The following RBFOX3 variants were observed in gnomAD, a reference collection of about 807,000 sequenced individuals.
RBFOX3 encodes RNA binding fox-1 homolog 3, also known as RNA binding protein fox-1 homolog 3.
In RBFOX3, 17 loss-of-function variants were observed where a neutral mutation model predicts 48.7. That is an observed-to-expected ratio of 0.35 (90% confidence interval 0.24 to 0.52). RBFOX3 has a LOEUF of 0.52. RBFOX3 is among the 20% of genes least tolerant of loss of function. The pLI, the probability that RBFOX3 is intolerant of heterozygous loss-of-function variation, is 0.94. For synonymous variants in RBFOX3, 212 were observed against 209.5 expected (o/e 1.01, Z -0.10); for missense variants, 382 against 497.5 (o/e 0.77, Z 2.21).
At chr17:79,464,761 G>C (rs538609206) in intron 2 of RBFOX3, among the ~76,000 whole-genome samples, 2 of 152,284 alleles carry the variant, frequency 1.3e-5, no homozygotes, top group Non-Finnish European at 2.9e-5. Context: ...GGCACACTGA[G>C]GCCAGGGCCT....
At chr17:79,203,906 G>C (rs2057143889) in intron 4 of RBFOX3, among the ~76,000 whole-genome samples, 1 of 152,136 alleles carries the variant, frequency 6.6e-6, no homozygotes, top group South Asian at 2.1e-4. Context: ...CTTCTCCCCT[G>C]ACGAAGTCCA....
At chr17:79,203,908 C>T (rs973061965) in intron 4 of RBFOX3, among the ~76,000 whole-genome samples, 1 of 152,120 alleles carries the variant, frequency 6.6e-6, no homozygotes, top group Non-Finnish European at 1.5e-5. Context: ...TCTCCCCTGA[C>T]GAAGTCCAAG....
intron 1 of RBFOX3, among the ~76,000 whole-genome samples, chr17:79,539,442 ATAAAG>A (rs1195381223): frequency 6.6e-6 from 1 of 152,240 alleles, no homozygotes; most frequent in African/African-American, 2.4e-5. Context: ...TTGACTTTTT[ATAAAG>A]TAACCCAGGT....
chr17:79,329,696 G>A (rs1282467443), intron 2 of RBFOX3, among the ~76,000 whole-genome samples: 1 of 151,984 alleles, frequency 6.6e-6, no homozygotes, highest in Non-Finnish European at 1.5e-5. Context: ...GGCCAGCCCC[G>A]GTGCATCTTC....
chr17:79,487,364 G>T (rs988214079), intron 1 of RBFOX3, among the ~76,000 whole-genome samples: 1 of 152,230 alleles, frequency 6.6e-6, no homozygotes, highest in African/African-American at 2.4e-5. Flanking sequence ...GGTCAGAAGC[G>T]TGGACTTGTG....
At chr17:79,620,966 C>T in the RBFOX3 span, among the ~76,000 whole-genome samples, 1 of 151,190 alleles carries the variant, frequency 6.6e-6, no homozygotes, top group Non-Finnish European at 1.5e-5. Context: ...CAGTGGGGTA[C>T]TTCTCTTACT....
chr17:79,637,799 AAGG>A, the RBFOX3 span, among the ~76,000 whole-genome samples: 2 of 40,040 alleles, frequency 5.0e-5, no homozygotes, highest in Non-Finnish European at 2.3e-4. Flanking sequence ...AAGAGAAGGG[AAGG>A]GAAGGGAAGG....
At chr17:79,284,857 C>G (rs1346919380) in intron 3 of RBFOX3, among the ~76,000 whole-genome samples, 1 of 152,152 alleles carries the variant, frequency 6.6e-6, no homozygotes, top group African/African-American at 2.4e-5. Context: ...TCTTTTATGA[C>G]TGCCCTGATG....
Position 79,115,494 on chromosome 17 carries a change from C to T in RBFOX3, c.222G>A (p.Pro74=), listed in dbSNP as rs1037097785. ...TQPIAGTQTV[P]QTDEAAQTDS... is the part of the protein sequence containing the mutation. ...GGCCTGGGGTCGTGGGGGCCCTTAC[C>T]GGCACTGTCTGGGTCCCGGCGATGG... Residue 74 remains proline, a splice_region_variant and synonymous_variant, in exon 5 of 15, where the codon CCG becomes CCA. Coordinates refer to ENST00000693108, the MANE Select transcript of RBFOX3 (RefSeq NM_001350451.2). 1.3e-5 allele frequency: 17 copies of T among 1,326,314 alleles called. No individual in the cohort carries two copies. The highest frequency in any genetic ancestry group is 1.6e-5 in the Non-Finnish European group (17 of 1,038,600). The allele number at this position is 1,326,314 out of a possible 1,614,324, so 82.2% of individuals were successfully genotyped here. A position where few individuals can be genotyped will look rare whatever the true frequency, so the allele number is the denominator to read the frequency against.
In RBFOX3 at chr17:79,094,395, C is replaced by G. The variant is rs764177659; in HGVS notation, c.1077+56G>C. 1.6e-5 allele frequency: 21 copies of G among 1,342,198 alleles called. No homozygotes were observed. In the South Asian group the frequency reaches 2.5e-4, roughly 16 times the overall value. The allele number at this position is 1,342,198 out of a possible 1,614,324, so 83.1% of individuals were successfully genotyped here. A position where few individuals can be genotyped will look rare whatever the true frequency, so the allele number is the denominator to read the frequency against. ...GGCCTCTCCCCCAAGGGCCTCACCA[C>G]CCATGCCCAGCTGTTAGGACTGGCA... On this transcript the variant is annotated intron_variant, in intron 14 of 14. Coordinates refer to ENST00000693108, the MANE Select transcript of RBFOX3 (RefSeq NM_001350451.2).
At chr17:79,515,016 C>T (rs1555782853) in intron 1 of RBFOX3, among the ~76,000 whole-genome samples, 1 of 152,170 alleles carries the variant, frequency 6.6e-6, no homozygotes, top group Non-Finnish European at 1.5e-5. Flanking sequence ...TGAGGGAATT[C>T]TCCCGACTCT....
intron 9 of RBFOX3, 98 bp downstream of exon 9, chr17:79,101,486 G>A (rs905726448): frequency 1.8e-6 from 2 of 1,101,698 alleles, no homozygotes; most frequent in East Asian, 2.6e-5. Flanking sequence ...AGGCTGCCTA[G>A]GATCCAGGAA....
intron 2 of RBFOX3, among the ~76,000 whole-genome samples, chr17:79,328,734 C>T (rs1206947033): frequency 6.6e-6 from 1 of 152,156 alleles, no homozygotes; most frequent in Non-Finnish European, 1.5e-5. Flanking sequence ...CTCTCTCCAC[C>T]CGGAGACATT....
intron 3 of RBFOX3, among the ~76,000 whole-genome samples, chr17:79,239,248 C>A (rs2062020585): frequency 6.6e-6 from 1 of 152,118 alleles, no homozygotes; most frequent in Non-Finnish European, 1.5e-5. Context: ...AGGAGAGAGG[C>A]CCCCCAGGTT....
intron 4 of RBFOX3, among the ~76,000 whole-genome samples, chr17:79,181,570 G>T (rs957029404): frequency 1.2e-4 from 18 of 152,216 alleles, no homozygotes; most frequent in African/African-American, 3.9e-4. Context: ...AGATGTCACA[G>T]GTGGTCCTGG....
intron 12 of RBFOX3, 32 bp downstream of exon 12, chr17:79,096,620 TC>T: frequency 6.7e-7 from 1 of 1,502,322 alleles, no homozygotes; most frequent in Non-Finnish European, 9.1e-7. Flanking sequence ...GAACGCCTGA[TC>T]CCACCCTCCC....
At chr17:79,338,958 T>C (rs8076595) in intron 2 of RBFOX3, among the ~76,000 whole-genome samples, 79,358 of 152,004 alleles carry the variant, frequency 0.52, 21,281 homozygotes, top group African/African-American at 0.65. Context: ...AAGGAGGCGG[T>C]TCTATAAAAA....
chr17:79,416,220 G>A (rs1448687504), intron 2 of RBFOX3, among the ~76,000 whole-genome samples: 1 of 152,240 alleles, frequency 6.6e-6, no homozygotes, highest in East Asian at 1.9e-4. Context: ...CTCCCCGGGA[G>A]CAGCTGGAAT....
chr17:79,559,665 GGGTGGGTGGATGGATGAGTGGGTC>G (rs2092059434), intron 1 of RBFOX3, among the ~76,000 whole-genome samples: 1 of 140,866 alleles, frequency 7.1e-6, no homozygotes, highest in African/African-American at 2.6e-5. Flanking sequence ...ATGGATGGGT[GGGTGGGTGGATGGATGAGTGGGTC>G]GGTGGGTGGA....
Sources: allele counts gnomAD v4.1 joint callset (sites outside exome capture counted in the v4.1 genomes callset), GRCh38; gene constraint gnomAD v4.1.1; transcripts MANE v1.5; gene names NCBI Gene and HGNC (gene_info 2026-07-23, HGNC 2026-07-21).